Variants in CLMP observed in about 807,000 individuals in gnomAD.
CLMP encodes CXADR-like membrane protein.
CLMP carries 27 observed loss-of-function variants against 45.2 expected under a neutral mutation model. That is an observed-to-expected ratio of 0.60 (90% CI 0.44 to 0.82). The LOEUF (loss-of-function observed/expected upper bound fraction) is 0.82. Ranked by LOEUF, CLMP falls within the 40% of genes least tolerant of loss-of-function variation. The pLI is 0.00. For synonymous variants in CLMP, 167 were observed against 171.4 expected (o/e 0.97, Z 0.20); for missense variants, 403 against 448.4 (o/e 0.90, Z 0.91).
At chr11:123,078,668 A>T (rs1406370857) in intron 5 of CLMP, among the ~76,000 whole-genome samples, 1 of 139,462 alleles carries the variant, frequency 7.2e-6, no homozygotes, top group Non-Finnish European at 1.5e-5. Context: ...TTTTTGAGAC[A>T]GAGTCCTGCT....
chr11:123,179,093 ATGTTTT>A (rs994459900), intron 1 of CLMP, among the ~76,000 whole-genome samples: 8 of 152,174 alleles, frequency 5.3e-5, no homozygotes, highest in Non-Finnish European at 8.8e-5. Context: ...AGCCTGATAA[ATGTTTT>A]TAAAACATCG....
chr11:123,118,999 T>G (rs12803323), intron 1 of CLMP, among the ~76,000 whole-genome samples: 5 of 14,130 alleles, frequency 3.5e-4, no homozygotes, highest in African/African-American at 9.3e-4. Flanking sequence ...CTTTCTTTCT[T>G]TCTCTCTCTC....
At chr11:123,092,113 A>G (rs934582706) in intron 2 of CLMP, among the ~76,000 whole-genome samples, 1 of 152,084 alleles carries the variant, frequency 6.6e-6, no homozygotes, top group Admixed American at 6.6e-5. Flanking sequence ...CTCAAGGACC[A>G]CTTTCTGTAT....
intron 3 of CLMP, 150 bp from the exon 4 acceptor site, chr11:123,083,997 C>T: frequency 1.3e-6 from 1 of 797,848 alleles, no homozygotes; most frequent in Non-Finnish European, 2.0e-6. Flanking sequence ...TTGCTTTACA[C>T]TACCCCCACC....
chr11:123,172,522 T>C (rs1861649742), intron 1 of CLMP, among the ~76,000 whole-genome samples: 1 of 152,164 alleles, frequency 6.6e-6, no homozygotes, highest in African/African-American at 2.4e-5. Context: ...CTCTCAGTCA[T>C]CCAGGCTGTA....
intron 1 of CLMP, among the ~76,000 whole-genome samples, chr11:123,178,716 ACT>A (rs1192523811): frequency 6.6e-6 from 1 of 151,840 alleles, no homozygotes; most frequent in South Asian, 2.1e-4. Flanking sequence ...AAATGAAAGG[ACT>A]CTCTCTATTT....
chr11:123,136,341 C>T, intron 1 of CLMP: 1 of 597,032 alleles, frequency 1.7e-6, no homozygotes, highest in Non-Finnish European at 3.2e-6. Context: ...TCGTAAGAGT[C>T]GTCCTCACTT....
Position 123,073,597 on chromosome 11 carries a change from G to A in CLMP, c.999C>T (p.Tyr333=), listed in dbSNP as rs1386953913. The A allele has an allele frequency of 6.2e-7, 1 of 1,614,226 alleles. No individual in the cohort carries two copies. Among genetic ancestry groups the A allele is most frequent in the South Asian group, 1.1e-5 (1 of 91,088 alleles). ...CTCTCACCTCTGGCCCCACTAGGCTGTATGCCTGGGTGGCCAGCCCTGGCT... is the reference window on the plus strand; with the variant it reads ...CTCTCACCTCTGGCCCCACTAGGCTATATGCCTGGGTGGCCAGCCCTGGCT... ...APQPGLATQA[Y]SLVGPEVRGS... The change falls in exon 7 of 7, where the codon TAC becomes TAT. Residue 333 remains tyrosine (Y), a synonymous_variant. Coordinates refer to ENST00000448775, the MANE Select transcript of CLMP (RefSeq NM_024769.5).
chr11:123,091,494 G>T (rs973888394), intron 2 of CLMP, among the ~76,000 whole-genome samples: 7 of 152,138 alleles, frequency 4.6e-5, no homozygotes, highest in Non-Finnish European at 8.8e-5. Context: ...AACTGCCTCT[G>T]TTACCTTGAC....
intron 2 of CLMP, among the ~76,000 whole-genome samples, chr11:123,096,137 C>T (rs150310458): frequency 0.021 from 3,141 of 152,090 alleles, 99 homozygotes; most frequent in East Asian, 0.17. Context: ...CCGAGGCAGG[C>T]CGAACACCTG....
At chr11:123,152,924 G>GT (rs1404040243) in intron 1 of CLMP, among the ~76,000 whole-genome samples, 3 of 152,090 alleles carry the variant, frequency 2.0e-5, no homozygotes, top group African/African-American at 7.2e-5. Flanking sequence ...GGTTGTGTGC[G>GT]TAATATCTGG....
intron 1 of CLMP, among the ~76,000 whole-genome samples, chr11:123,168,378 TG>T (rs1476633381): frequency 6.6e-6 from 1 of 152,214 alleles, no homozygotes; most frequent in African/African-American, 2.4e-5. Context: ...TATCTACATC[TG>T]GATTCCACTG....
At chr11:123,137,733 GCAAA>G (rs1407237398) in intron 1 of CLMP, among the ~76,000 whole-genome samples, 2 of 152,112 alleles carry the variant, frequency 1.3e-5, no homozygotes, top group African/African-American at 2.4e-5. Context: ...CCAGCTCCTC[GCAAA>G]CAAAGAAGTC....
Position 123,195,187 on chromosome 11 carries a change from C to T in CLMP, c.-247G>A. 3.6e-6 allele frequency: 1 copy of T among 281,414 alleles called. No homozygotes were observed. The highest frequency in any genetic ancestry group is 6.9e-5 in the East Asian group (1 of 14,548). 17.4% of individuals were successfully genotyped at this position (281,414 alleles called of 1,614,324 possible). On this transcript the variant is annotated 5_prime_UTR_variant, in exon 1 of 7. Transcript: ENST00000448775. ...GGGACCAGGGTCAGGGAGGAAAACG[C>T]GAGGCGAAAAGGCGCTACCGCTTCG...
intron 1 of CLMP, among the ~76,000 whole-genome samples, chr11:123,182,579 G>T (rs1357191566): frequency 6.6e-6 from 1 of 152,140 alleles, no homozygotes; most frequent in African/African-American, 2.4e-5. Flanking sequence ...TCTTCACCAA[G>T]CGTGGTTCCT....
intron 1 of CLMP, among the ~76,000 whole-genome samples, chr11:123,176,321 TA>T (rs199547202): frequency 7.3e-5 from 11 of 150,068 alleles, no homozygotes; most frequent in Middle Eastern, 3.4e-3. Context: ...GTTCCTGAAA[TA>T]AAAAAAAAAT....
At chr11:123,131,644 T>C (rs1376683793) in intron 1 of CLMP, among the ~76,000 whole-genome samples, 2 of 152,082 alleles carry the variant, frequency 1.3e-5, no homozygotes, top group Non-Finnish European at 2.9e-5. Flanking sequence ...AAATGGAGTT[T>C]CGCTCTTGTT....
intron 1 of CLMP, among the ~76,000 whole-genome samples, chr11:123,108,696 GGAGAACCT>G (rs1565384648): frequency 6.6e-6 from 1 of 152,114 alleles, no homozygotes; most frequent in Non-Finnish European, 1.5e-5. Context: ...TGAGGAAAAG[GGAGAACCT>G]GACACTGATG....
At chr11:123,096,175 G>A (rs922523454) in intron 2 of CLMP, among the ~76,000 whole-genome samples, 4 of 152,066 alleles carry the variant, frequency 2.6e-5, no homozygotes, top group African/African-American at 4.8e-5. Flanking sequence ...CCAGCATGGC[G>A]ACACTCAATC....
Sources: gnomAD v4.1 joint callset for allele counts (sites outside exome capture counted in the v4.1 genomes callset) on GRCh38, gnomAD v4.1.1 for gene constraint, MANE v1.5 for transcripts, NCBI Gene and HGNC (gene_info 2026-07-23, HGNC 2026-07-21) for gene names.